The following LYZL4 variants were observed in gnomAD, a reference collection of about 807,000 sequenced individuals.
The protein encoded by LYZL4 is lysozyme-like protein 4.
In LYZL4, 13 loss-of-function variants were observed where a neutral mutation model predicts 17.6. The ratio of observed to expected loss-of-function variants is 0.74; its 90% CI spans 0.48 to 1.18. LYZL4 has a LOEUF of 1.18. Ranked by LOEUF, LYZL4 falls within the 50% of genes most tolerant of loss-of-function variation. LYZL4 has a pLI of 0.00. For missense variants in LYZL4, 174 were observed against 188.2 expected (o/e 0.92, Z 0.44); for synonymous variants, 64 against 67.7 (o/e 0.95, Z 0.27).
At chr3:42,400,500 A>G (rs1322780706) in intron 4 of LYZL4, among the ~76,000 whole-genome samples, 1 of 152,230 alleles carries the variant, frequency 6.6e-6, no homozygotes, top group Non-Finnish European at 1.5e-5. Flanking sequence ...GTGAGGATTC[A>G]ATCATGATGT....
the LYZL4 span, among the ~76,000 whole-genome samples, chr3:42,368,273 C>A: frequency 6.6e-6 from 1 of 152,178 alleles, no homozygotes; most frequent in Non-Finnish European, 1.5e-5. Flanking sequence ...TTAACTACTA[C>A]TATTAAGTTG....
chr3:42,386,291 C>T, the LYZL4 span, among the ~76,000 whole-genome samples: 21 of 150,552 alleles, frequency 1.4e-4, no homozygotes, highest in East Asian at 1.6e-3. Context: ...TTAGTAGGGG[C>T]GGGGTTTTAC....
chr3:42,388,973 A>C, the LYZL4 span, among the ~76,000 whole-genome samples: 16 of 152,304 alleles, frequency 1.1e-4, no homozygotes, highest in Admixed American at 8.5e-4. Flanking sequence ...CTTGCCAAGA[A>C]GCTTAGGCTG....
At chr3:42,368,033 G>A in the LYZL4 span, among the ~76,000 whole-genome samples, 3 of 152,260 alleles carry the variant, frequency 2.0e-5, no homozygotes, top group African/African-American at 7.2e-5. Flanking sequence ...ATGGGGAAAC[G>A]GAGTCATGGG....
chr3:42,373,103 C>T, the LYZL4 span, among the ~76,000 whole-genome samples: 1 of 151,914 alleles, frequency 6.6e-6, no homozygotes, highest in African/African-American at 2.4e-5. Context: ...CCCAGCTACT[C>T]GGGAGGCTGA....
At chr3:42,385,321 A>T in the LYZL4 span, among the ~76,000 whole-genome samples, 1 of 152,082 alleles carries the variant, frequency 6.6e-6, no homozygotes, top group South Asian at 2.1e-4. Flanking sequence ...TTTTTTCTGT[A>T]CCTTTTCTAT....
chr3:42,383,317 C>T, the LYZL4 span, among the ~76,000 whole-genome samples: 11 of 151,942 alleles, frequency 7.2e-5, no homozygotes, highest in African/African-American at 2.4e-4. Flanking sequence ...GGAACATGGG[C>T]AGCCTAGGAG....
At chr3:42,392,460 A>G (rs145191673), downstream of LYZL4, among the ~76,000 whole-genome samples, 706 of 152,338 alleles carry the variant, frequency 4.6e-3, 3 homozygotes, top group African/African-American at 0.011. Flanking sequence ...GTAAAGGTGC[A>G]CTTGATAATG....
chr3:42,385,172 T>A, the LYZL4 span, among the ~76,000 whole-genome samples: 1 of 144,646 alleles, frequency 6.9e-6, no homozygotes, highest in African/African-American at 2.8e-5. Context: ...GTAAAGTCTT[T>A]TGCCTCTTTT....
chr3:42,380,661 C>T, the LYZL4 span, among the ~76,000 whole-genome samples: 15 of 152,200 alleles, frequency 9.9e-5, no homozygotes, highest in Non-Finnish European at 1.6e-4. Flanking sequence ...TGGTGCTGGC[C>T]CAGGGACCAT....
At chr3:42,399,655 T>C (rs1389362012) in intron 4 of LYZL4, among the ~76,000 whole-genome samples, 1 of 152,158 alleles carries the variant, frequency 6.6e-6, no homozygotes, top group Non-Finnish European at 1.5e-5. Flanking sequence ...TTTCTAAGAA[T>C]ATTAACACTG....
intron 1 of LYZL4, among the ~76,000 whole-genome samples, chr3:42,409,316 T>G (rs984404598): frequency 1.3e-5 from 2 of 152,226 alleles, no homozygotes; most frequent in Admixed American, 6.5e-5. Context: ...ATGGACATTT[T>G]TCTTAGCTCT....
the LYZL4 span, among the ~76,000 whole-genome samples, chr3:42,385,572 T>C: frequency 6.6e-6 from 1 of 152,206 alleles, no homozygotes; most frequent in African/African-American, 2.4e-5. Context: ...AAGTAAGGCA[T>C]GCCTGTAAAT....
the LYZL4 span, among the ~76,000 whole-genome samples, chr3:42,385,500 G>C: frequency 2.6e-5 from 4 of 152,142 alleles, no homozygotes; most frequent in Non-Finnish European, 5.9e-5. Context: ...AATACATTCC[G>C]TGATATTCAC....
chr3:42,376,311 G>A, the LYZL4 span, among the ~76,000 whole-genome samples: 1 of 152,234 alleles, frequency 6.6e-6, no homozygotes, highest in South Asian at 2.1e-4. Flanking sequence ...GAACATTGTT[G>A]GTGCCCCCCC....
chr3:42,367,825 T>A, the LYZL4 span, among the ~76,000 whole-genome samples: 2 of 152,192 alleles, frequency 1.3e-5, no homozygotes, highest in Non-Finnish European at 2.9e-5. Context: ...TTAAAAAATA[T>A]TCATTACAAA....
intron 4 of LYZL4, among the ~76,000 whole-genome samples, chr3:42,403,036 A>G (rs937073548): frequency 2.0e-5 from 3 of 152,258 alleles, no homozygotes; most frequent in Non-Finnish European, 4.4e-5. Flanking sequence ...TATCTGGCTA[A>G]AGAGGAAACT....
At chr3:42,396,719 G>A (rs1698554646), downstream of LYZL4, among the ~76,000 whole-genome samples, 3 of 152,190 alleles carry the variant, frequency 2.0e-5, no homozygotes, top group Admixed American at 2.0e-4. Context: ...ATGCAAATAT[G>A]TGTTATTTAT....
At chr3:42,387,424 C>T in the LYZL4 span, among the ~76,000 whole-genome samples, 1 of 152,184 alleles carries the variant, frequency 6.6e-6, no homozygotes, top group Non-Finnish European at 1.5e-5. Context: ...GAAGATAGGA[C>T]ATGTATTGCC....
Sources: gnomAD v4.1 joint callset for allele counts (sites outside exome capture counted in the v4.1 genomes callset) on GRCh38, gnomAD v4.1.1 for gene constraint, MANE v1.5 for transcripts, NCBI Gene and HGNC (gene_info 2026-07-23, HGNC 2026-07-21) for gene names.